AKAP1: variants seen among roughly 807,000 people sequenced by gnomAD.
The protein encoded by AKAP1 is A-kinase anchoring protein 1.
AKAP1 carries 32 observed loss-of-function variants against 79.8 expected under a neutral mutation model. The observed-to-expected ratio is 0.40, with a 90% CI of 0.30 to 0.54. AKAP1 has a LOEUF of 0.54. Among genes scored for constraint, AKAP1 ranks in the 20% least tolerant of loss-of-function variants. AKAP1 has a pLI of 0.47. For synonymous variants in AKAP1, 416 were observed against 466.7 expected, an observed-to-expected ratio of 0.89 and a Z score of 1.40; for missense variants, 961 against 1,138.9, an observed-to-expected ratio of 0.84 and a Z score of 2.25.
chr17:57,097,018 A>G (rs1914153585), intron 1 of AKAP1, among the ~76,000 whole-genome samples: 1 of 151,496 alleles, frequency 6.6e-6, no homozygotes, highest in South Asian at 2.1e-4. Flanking sequence ...ACCTCTTGTG[A>G]CCTACTCTAC....
At chr17:57,100,358 G>A (rs1914414558) in intron 1 of AKAP1, among the ~76,000 whole-genome samples, 2 of 152,048 alleles carry the variant, frequency 1.3e-5, no homozygotes, top group Admixed American at 6.5e-5. Context: ...GGCCAAGGTG[G>A]GTGGATCACT....
rs111245760 is a variant in AKAP1 at position 57,108,114 on chromosome 17, G to A, written c.1714+936G>A. ...TGTTTTCATTTATCTCATGGAGAGAGGCCACGAATATCCCGAGTGGCTCTC... is the reference window on the plus strand; with the variant it reads ...TGTTTTCATTTATCTCATGGAGAGAAGCCACGAATATCCCGAGTGGCTCTC... On this transcript the variant is annotated intron_variant, in intron 2 of 10. Coordinates refer to ENST00000337714, the MANE Select transcript of AKAP1 (RefSeq NM_003488.4). 2.0e-3 allele frequency: 1,883 copies of A among 921,928 alleles called. 17 individuals carry two copies. The African/African-American group carries it at 0.022, about 11-fold the overall frequency. The allele number at this position is 921,928 out of a possible 1,614,324, so 57.1% of individuals were successfully genotyped here.
At chr17:57,101,696 TC>T (rs2069553500) in intron 1 of AKAP1, 1 of 152,088 alleles carries the variant, frequency 6.6e-6, no homozygotes, top group African/African-American at 2.4e-5. Flanking sequence ...AAATCTCTCC[TC>T]CCAAAAGGAG....
In AKAP1 at chr17:57,119,126, C is replaced by T. The variant is rs1465628128; in HGVS notation, c.2637+82C>T. 7 of 1,457,144 alleles carry T rather than the reference C, an allele frequency of 4.8e-6. No homozygotes were observed. In the African/African-American group the frequency reaches 9.8e-5, roughly 20 times the overall value. 90.3% of individuals were successfully genotyped at this position (1,457,144 alleles called of 1,614,324 possible). ...AGGAGCTGGTCCTGGGATTTGTTTC[C>T]TCTTGAGTTAATCAGAGGATATAAC... On this transcript the variant is annotated intron_variant, in intron 10 of 10. Transcript: ENST00000337714.
chr17:57,086,855 T>A lies in AKAP1; in HGVS notation c.-25+1457T>A, dbSNP rs1305611284. Among the ~76,000 whole-genome samples the A allele has an allele frequency of 6.6e-6, 1 of 151,814 alleles. No individual in the cohort carries two copies. Among genetic ancestry groups the A allele is most frequent in the African/African-American group, 2.4e-5 (1 of 41,348 alleles). The stretch of plus-strand genomic sequence containing the variant: ...AAGCTTGGACTCTTAGCACCACCCA[T>A]CCACTTTGCTCTTAAAGGTACAGAA... On this transcript the variant is annotated intron_variant, in intron 1 of 10. Transcript: ENST00000337714. This position sits in a 1 kb window ranked among gnomAD's most constrained non-coding sequence, Gnocchi z 5.1.
intron 1 of AKAP1, chr17:57,092,950 C>T (rs1913870686): frequency 6.5e-6 from 1 of 152,926 alleles, no homozygotes. Context: ...GGAACTTTCT[C>T]CCCGCTCTCC....
Position 57,086,124 on chromosome 17 carries a change from C to G in AKAP1, c.-25+726C>G. The G allele has an allele frequency of 1.0e-5, 3 of 287,108 alleles. No individual in the cohort carries two copies. The highest frequency in any genetic ancestry group is 7.9e-5 in the South Asian group (3 of 38,132). 17.8% of individuals were successfully genotyped at this position (287,108 alleles called of 1,614,324 possible). A position where few individuals can be genotyped will look rare whatever the true frequency, so the allele number is the denominator to read the frequency against. On this transcript the variant is annotated intron_variant, in intron 1 of 10. Coordinates refer to ENST00000337714, the MANE Select transcript of AKAP1 (RefSeq NM_003488.4). This position sits in a 1 kb window ranked among gnomAD's most constrained non-coding sequence, Gnocchi z 5.1. ...GGGGAATTTGCATTCGTAGCCCCTGCAGGCGTGTCCGGAGGGGTGGAGGCC... is the reference window on the plus strand; with the variant it reads ...GGGGAATTTGCATTCGTAGCCCCTGGAGGCGTGTCCGGAGGGGTGGAGGCC...
chr17:57,116,691 CG>C (rs1915606190), intron 7 of AKAP1, among the ~76,000 whole-genome samples, 168 bp from the exon 8 acceptor site: 1 of 152,152 alleles, frequency 6.6e-6, no homozygotes, highest in Non-Finnish European at 1.5e-5. Flanking sequence ...GCAGCAGGGT[CG>C]GCTGGCTGTG....
chr17:57,106,063 G>C lies in AKAP1; in HGVS notation c.599G>C (p.Gly200Ala). The change falls in exon 2 of 11, where the codon GGT (glycine) becomes GCT (alanine). Residue 200 changes from glycine to alanine, a missense_variant. This residue lies in a region of AKAP1 where 224 missense variants were observed against 210.2 expected (regional missense o/e 1.07). Coordinates refer to ENST00000337714, the MANE Select transcript of AKAP1 (RefSeq NM_003488.4). Reference protein sequence around the residue: ...RSSGERARETGGAEGTGDAVL... With the variant: ...RSSGERARETAGAEGTGDAVL... The stretch of plus-strand genomic sequence containing the variant: ...TCTGGGGAGAGGGCAAGAGAGACAG[G>C]TGGGGCCGAAGGGACTGGTGATGCC... 2 of 1,610,394 alleles carry C rather than the reference G, an allele frequency of 1.2e-6. No individual in the cohort carries two copies. Among genetic ancestry groups the C allele is most frequent in the Non-Finnish European group, 1.7e-6 (2 of 1,177,946 alleles).
chr17:57,085,466 G>A (rs1477131548), intron 1 of AKAP1, 68 bp downstream of exon 1: 1 of 152,274 alleles, frequency 6.6e-6, no homozygotes, highest in Non-Finnish European at 1.5e-5. Flanking sequence ...TCGGGGCGAT[G>A]GGGAGCCTGA....
Position 57,111,940 on chromosome 17 carries a change from T to C in AKAP1, c.1975+16T>C, listed in dbSNP as rs763132069. Reference sequence around the variant, plus strand: ...CACATAGAAGGTCAGTAACATCTGCTGCTTGTATTGCCTCTTACCTGAAAT... The same window carrying C: ...CACATAGAAGGTCAGTAACATCTGCCGCTTGTATTGCCTCTTACCTGAAAT... On this transcript the variant is annotated intron_variant, in intron 4 of 10. Transcript: ENST00000337714. 1 of 1,606,842 alleles carries C rather than the reference T, an allele frequency of 6.2e-7. No individual in the cohort carries two copies. The highest frequency in any genetic ancestry group is 8.5e-7 in the Non-Finnish European group (1 of 1,175,178).
At chr17:57,092,952 C>T (rs1252379340) in intron 1 of AKAP1, 1 of 152,902 alleles carries the variant, frequency 6.5e-6, no homozygotes, top group African/African-American at 2.4e-5. Flanking sequence ...AACTTTCTCC[C>T]CGCTCTCCTC....
intron 1 of AKAP1, chr17:57,085,828 C>T (rs1429452723): frequency 6.5e-6 from 1 of 152,848 alleles, no homozygotes; most frequent in Non-Finnish European, 1.5e-5. Flanking sequence ...CGCGTCCCAC[C>T]CAAGGTCGCC....
intron 1 of AKAP1, chr17:57,092,367 T>C (rs1913835914): frequency 6.6e-6 from 1 of 152,288 alleles, no homozygotes; most frequent in African/African-American, 2.4e-5. Flanking sequence ...TTATGTTGGC[T>C]GGAGAGCAAG....
intron 1 of AKAP1, among the ~76,000 whole-genome samples, chr17:57,089,899 C>T (rs1369637626): frequency 6.6e-6 from 1 of 152,140 alleles, no homozygotes; most frequent in African/African-American, 2.4e-5. Flanking sequence ...GGTTTGAAGC[C>T]GTTTATTATC....
chr17:57,114,772 C>T (rs867429573), intron 6 of AKAP1, 136 bp downstream of exon 6: 2 of 1,039,854 alleles, frequency 1.9e-6, no homozygotes, highest in Middle Eastern at 3.1e-4. Context: ...TGTTATGGAG[C>T]TGGGGTGGGT....
intron 5 of AKAP1, 61 bp downstream of exon 5, chr17:57,112,679 A>C: frequency 1.3e-6 from 2 of 1,545,716 alleles, no homozygotes; most frequent in Middle Eastern, 2.2e-4. Context: ...TACCCCAAAC[A>C]AGAAACTCCC....
At position 57,105,209 on chromosome 17, in the gene AKAP1, C is replaced by T. The variant is rs114442489; in HGVS notation, c.-24-232C>T. Among the ~76,000 whole-genome samples, 910 of 152,230 alleles carry T rather than the reference C, an allele frequency of 6.0e-3. 8 individuals carry two copies. The highest frequency in any genetic ancestry group is 0.021 in the African/African-American group (858 of 41,532). On this transcript the variant is annotated intron_variant, in intron 1 of 10. Transcript: ENST00000337714. ...ATGCTCGGTTTGTTTCAAGAGGGTGCGTGAGTTGGGGAGCATGGAGGGGAA... is the reference window on the plus strand; with the variant it reads ...ATGCTCGGTTTGTTTCAAGAGGGTGTGTGAGTTGGGGAGCATGGAGGGGAA...
intron 2 of AKAP1, among the ~76,000 whole-genome samples, chr17:57,108,322 A>G (rs3785486): frequency 0.5 from 75,635 of 152,160 alleles, 19,599 homozygotes; most frequent in East Asian, 0.8. Context: ...AAGTGCTGCC[A>G]GTCATGATTA....
Sources: allele counts gnomAD v4.1 joint callset (sites outside exome capture counted in the v4.1 genomes callset), GRCh38; gene constraint gnomAD v4.1.1; regional missense constraint gnomAD v4.1.1; non-coding constraint Gnocchi (gnomAD v3.1); transcripts MANE v1.5; gene names NCBI Gene and HGNC (gene_info 2026-07-23, HGNC 2026-07-21).